Variants in PRKD3 observed in about 807,000 individuals in gnomAD.
PRKD3 encodes the protein protein kinase D3.
PRKD3 carries 47 observed loss-of-function variants against 99.2 expected under a neutral mutation model. The observed-to-expected ratio is 0.47, with a 90% CI of 0.38 to 0.60. The LOEUF is 0.60. PRKD3 is among the 20% of genes least tolerant of loss of function. The pLI is 0.00. For missense variants in PRKD3, 1,019 were observed against 1,088.4 expected, an observed-to-expected ratio of 0.94 and a Z score of 0.90; for synonymous variants, 392 against 355.4, an observed-to-expected ratio of 1.10 and a Z score of -1.16.
intron 14 of PRKD3, among the ~76,000 whole-genome samples, chr2:37,264,401 C>T (rs984120495): frequency 5.3e-5 from 8 of 151,972 alleles, no homozygotes; most frequent in East Asian, 3.9e-4. Flanking sequence ...TGCCTTGTCT[C>T]GCAGAGCTTA....
Position 37,253,832 on chromosome 2 carries a change from T to C in PRKD3, c.2499+372A>G, listed in dbSNP as rs140696877. ...AGTTTGGAGGGTATCTTTTGATAAATCTATAAAGTAACTTTGGGAGAATTA... is the reference window on the plus strand; with the variant it reads ...AGTTTGGAGGGTATCTTTTGATAAACCTATAAAGTAACTTTGGGAGAATTA... On this transcript the variant is annotated intron_variant, in intron 18 of 18. Transcript: ENST00000234179. Among the ~76,000 whole-genome samples the C allele has an allele frequency of 2.5e-3, 377 of 152,306 alleles. 3 individuals carry two copies. Among genetic ancestry groups the C allele is most frequent in the African/African-American group, 8.8e-3 (366 of 41,576 alleles).
chr2:37,299,368 G>A (rs928278460), intron 2 of PRKD3, among the ~76,000 whole-genome samples: 20 of 151,936 alleles, frequency 1.3e-4, no homozygotes, highest in African/African-American at 4.8e-4. Flanking sequence ...ATGGACAAAG[G>A]GGGTCACATC....
intron 13 of PRKD3, chr2:37,269,203 G>A: frequency 5.2e-6 from 1 of 191,048 alleles, no homozygotes; most frequent in Non-Finnish European, 1.1e-5. Flanking sequence ...TGGATTTCAG[G>A]TTCAGGTTTT....
intron 13 of PRKD3, chr2:37,267,854 C>G: frequency 3.9e-6 from 1 of 259,148 alleles, no homozygotes; most frequent in Non-Finnish European, 7.3e-6. Flanking sequence ...GAGACTCTGT[C>G]AAGATGGAAA....
At chr2:37,257,217 T>C (rs768252593) in intron 16 of PRKD3, among the ~76,000 whole-genome samples, 2 of 152,204 alleles carry the variant, frequency 1.3e-5, no homozygotes, top group African/African-American at 4.8e-5. Context: ...AGTGTTCTGA[T>C]TTCTTATGAA....
intron 9 of PRKD3, among the ~76,000 whole-genome samples, chr2:37,277,345 A>G (rs1445981496): frequency 6.6e-6 from 1 of 152,164 alleles, no homozygotes; most frequent in Non-Finnish European, 1.5e-5. Context: ...TAAGTTACAG[A>G]GACTTAGGCA....
At chr2:37,293,103 G>C (rs745829711) in intron 3 of PRKD3, 30 bp downstream of exon 3, 19 of 1,523,810 alleles carry the variant, frequency 1.2e-5, no homozygotes, top group Admixed American at 1.7e-5. Context: ...GAGGGGAAAA[G>C]GCAATCACTC....
intron 2 of PRKD3, among the ~76,000 whole-genome samples, chr2:37,294,542 T>C (rs1194256952): frequency 6.6e-6 from 1 of 152,300 alleles, no homozygotes; most frequent in African/African-American, 2.4e-5. Context: ...ATTCTCCTTT[T>C]GAGTCACCAA....
In PRKD3 at chr2:37,277,934, T is replaced by G; in HGVS notation, c.1228A>C (p.Thr410Pro). The change falls in exon 9 of 19, where the codon ACA becomes CCA. Residue 410 changes from threonine (T) to proline (P), a missense_variant. Around this residue, in one of 3 missense-constraint regions of PRKD3, gnomAD observed 710 missense variants for 692.7 expected, o/e 1.02. Coordinates refer to ENST00000234179, the MANE Select transcript of PRKD3 (RefSeq NM_005813.6). ...LMRVVQSIKH[T>P]KRKSSTMVKE... ...ACCATTGTGCTGCTCTTCCTCTTTG[T>G]GTGCTTGATGGATTGTACAACCCTC... 1 of 1,613,120 alleles carries G rather than the reference T, an allele frequency of 6.2e-7. No individual in the cohort carries two copies. Among genetic ancestry groups the G allele is most frequent in the East Asian group, 2.2e-5 (1 of 44,816 alleles).
intron 2 of PRKD3, among the ~76,000 whole-genome samples, chr2:37,309,663 C>A (rs570511471): frequency 5.3e-5 from 8 of 152,208 alleles, no homozygotes; most frequent in Middle Eastern, 3.4e-3. Flanking sequence ...TCCTGGCCAA[C>A]ATGGTGAAAC....
intron 6 of PRKD3, among the ~76,000 whole-genome samples, chr2:37,285,541 C>A (rs968890321): frequency 1.3e-5 from 2 of 151,910 alleles, no homozygotes; most frequent in Non-Finnish European, 2.9e-5. Context: ...AAAAAAAACC[C>A]AAAACTCTTG....
At chr2:37,260,198 T>C in intron 15 of PRKD3, 25 bp downstream of exon 15, 1 of 1,185,910 alleles carries the variant, frequency 8.4e-7, no homozygotes, top group Non-Finnish European at 1.2e-6. Flanking sequence ...ATCGCTAGTT[T>C]AAAAAAAAAA....
intron 16 of PRKD3, among the ~76,000 whole-genome samples, chr2:37,257,431 C>A (rs558850042): frequency 1.3e-5 from 2 of 151,918 alleles, no homozygotes; most frequent in South Asian, 4.2e-4. Flanking sequence ...TTTGGGAGGC[C>A]GAGGCGGGCG....
intron 7 of PRKD3, among the ~76,000 whole-genome samples, chr2:37,280,265 G>A (rs190522571): frequency 3.3e-5 from 5 of 151,662 alleles, no homozygotes; most frequent in Non-Finnish European, 5.9e-5. Context: ...GGCTGGTCTC[G>A]AACTCCTGAC....
intron 2 of PRKD3, among the ~76,000 whole-genome samples, chr2:37,297,406 C>T (rs1670720539): frequency 6.6e-6 from 1 of 151,750 alleles, no homozygotes; most frequent in African/African-American, 2.4e-5. Flanking sequence ...TGTATACTAC[C>T]CCATACCCAG....
At chr2:37,282,997 T>G (rs1669924128) in intron 6 of PRKD3, among the ~76,000 whole-genome samples, 1 of 152,202 alleles carries the variant, frequency 6.6e-6, no homozygotes. Flanking sequence ...GGAAAGAGAC[T>G]GAGATCCAAC....
chr2:37,257,046 G>C, intron 16 of PRKD3, 117 bp from the exon 17 acceptor site: 1 of 1,116,926 alleles, frequency 9.0e-7, no homozygotes, highest in Non-Finnish European at 1.3e-6. Context: ...TACTGATTAT[G>C]AATATTAATC....
intron 5 of PRKD3, 78 bp downstream of exon 5, chr2:37,289,278 T>C: frequency 2.7e-6 from 4 of 1,471,190 alleles, no homozygotes; most frequent in South Asian, 2.5e-5. Flanking sequence ...TAAATTATGT[T>C]CTAGAGTGAT....
At chr2:37,258,478 G>C (rs181354196) in intron 16 of PRKD3, among the ~76,000 whole-genome samples, 1 of 152,212 alleles carries the variant, frequency 6.6e-6, no homozygotes, top group East Asian at 1.9e-4. Context: ...CATAAAAAGC[G>C]TATCAAGTAA....
Sources: allele counts gnomAD v4.1 joint callset (sites outside exome capture counted in the v4.1 genomes callset), GRCh38; gene constraint gnomAD v4.1.1; regional missense constraint gnomAD v4.1.1; transcripts MANE v1.5; gene names NCBI Gene and HGNC (gene_info 2026-07-23, HGNC 2026-07-21).